Variants in BMX observed in about 807,000 individuals in gnomAD.
BMX encodes cytoplasmic tyrosine-protein kinase BMX.
Under a neutral mutation model 59.2 loss-of-function variants are expected in BMX, and 31 were observed. That is an observed-to-expected ratio of 0.52 (90% confidence interval 0.39 to 0.71). BMX has a LOEUF of 0.71. Among genes scored for constraint, BMX ranks in the 30% least tolerant of loss-of-function variants. The pLI is 0.00. For synonymous variants in BMX, 185 were observed against 181.0 expected (o/e 1.02, Z -0.18); for missense variants, 474 against 491.7 (o/e 0.96, Z 0.34).
intron 18 of BMX, among the ~76,000 whole-genome samples, chrX:15,553,856 G>A (rs1256122644): frequency 9.0e-6 from 1 of 111,510 alleles, no homozygotes; most frequent in Admixed American, 9.5e-5. Flanking sequence ...GGATGGACAG[G>A]GGCCCTGAGT....
At chrX:15,519,274 A>C (rs970540893) in intron 6 of BMX, among the ~76,000 whole-genome samples, 2 of 112,067 alleles carry the variant, frequency 1.8e-5, no homozygotes, top group Non-Finnish European at 3.8e-5. Flanking sequence ...ATTCGCACAC[A>C]CTTCTCTCTT....
chrX:15,536,972 C>T (rs1925388373), intron 13 of BMX, among the ~76,000 whole-genome samples, 162 bp from the exon 14 acceptor site: 1 of 110,263 alleles, frequency 9.1e-6, no homozygotes, highest in South Asian at 3.9e-4. Flanking sequence ...GCCACAAGAC[C>T]ACATCACTAA....
chrX:15,515,025 A>G (rs1924094473), intron 4 of BMX, among the ~76,000 whole-genome samples: 1 of 111,650 alleles, frequency 9.0e-6, no homozygotes, highest in Non-Finnish European at 1.9e-5. Context: ...GCTGGAAGCC[A>G]TCATTCTCAG....
intron 3 of BMX, among the ~76,000 whole-genome samples, chrX:15,509,643 G>C (rs768544757): frequency 9.0e-6 from 1 of 111,189 alleles, no homozygotes; most frequent in Non-Finnish European, 1.9e-5. Flanking sequence ...AGACAGGAGC[G>C]TAAGTCGCAG....
intron 14 of BMX, among the ~76,000 whole-genome samples, chrX:15,541,388 G>A (rs1439508029): frequency 9.1e-6 from 1 of 110,120 alleles, no homozygotes; most frequent in Non-Finnish European, 1.9e-5. Flanking sequence ...AAAAAAATCT[G>A]AGTGTCCATG....
At chrX:15,520,620 T>TATAGGCAAA (rs1924398784) in intron 6 of BMX, among the ~76,000 whole-genome samples, 1 of 111,858 alleles carries the variant, frequency 8.9e-6, no homozygotes, top group South Asian at 3.7e-4. Flanking sequence ...ATATTGAAAA[T>TATAGGCAAA]TATCAGCTAG....
chrX:15,548,739 G>A (rs1926063010), intron 17 of BMX, among the ~76,000 whole-genome samples: 1 of 112,078 alleles, frequency 8.9e-6, no homozygotes, highest in Non-Finnish European at 1.9e-5. Flanking sequence ...TGAAATAAGT[G>A]TGTAGCCTTC....
intron 16 of BMX, among the ~76,000 whole-genome samples, chrX:15,546,348 C>G (rs1410983605): frequency 2.7e-5 from 3 of 111,552 alleles, no homozygotes; most frequent in Admixed American, 9.6e-5. Context: ...AGCCACTAAA[C>G]ATGATGCTGC....
At position 15,516,218 on chromosome X, in the gene BMX, C is replaced by A; in HGVS notation, c.432C>A (p.Thr144=). The stretch of plus-strand genomic sequence containing the variant: ...GCTGTAAAGCAGCCCCAGGATGTAC[C>A]CTCTGGGAAGCATGTAATGTGTGAT... ...QQSCKAAPGC[T]LWEAYANLHT... is the part of the protein sequence containing the mutation. The change falls in exon 5 of 19, where the codon ACC becomes ACA. Residue 144 remains threonine, a synonymous_variant. Transcript: ENST00000348343. 1.7e-6 allele frequency: 2 copies of A among 1,209,688 alleles called. No individual in the cohort carries two copies. The highest frequency in any genetic ancestry group is 3.0e-5 in the East Asian group (1 of 33,832).
chrX:15,509,142 G>A (rs1233490126), intron 2 of BMX, among the ~76,000 whole-genome samples, 187 bp from the exon 3 acceptor site: 1 of 110,903 alleles, frequency 9.0e-6, no homozygotes, highest in Non-Finnish European at 1.9e-5. Flanking sequence ...ATATGTGTTT[G>A]TGTCCAGACT....
intron 4 of BMX, among the ~76,000 whole-genome samples, chrX:15,512,816 G>T (rs1282937684): frequency 8.9e-6 from 1 of 112,048 alleles, no homozygotes; most frequent in Admixed American, 9.4e-5. Context: ...TCTAGGAGGA[G>T]CTCTAAGATT....
At chrX:15,515,706 T>C in intron 4 of BMX, among the ~76,000 whole-genome samples, 1 of 111,534 alleles carries the variant, frequency 9.0e-6, no homozygotes, top group Non-Finnish European at 1.9e-5. Context: ...AGTGTATGTT[T>C]ATTCAGGCCT....
chrX:15,511,884 T>A (rs756540790), intron 4 of BMX, among the ~76,000 whole-genome samples: 95 of 112,310 alleles, frequency 8.5e-4, no homozygotes, highest in African/African-American at 3.0e-3. Context: ...ACACTTTTGA[T>A]GTTTATAGAA....
chrX:15,511,629 C>A, intron 4 of BMX, 111 bp downstream of exon 4: 1 of 572,207 alleles, frequency 1.7e-6, no homozygotes, highest in Non-Finnish European at 2.8e-6. Flanking sequence ...GACTCAATGC[C>A]AAGAGACAAT....
At chrX:15,551,569 T>C (rs1926202217) in intron 18 of BMX, among the ~76,000 whole-genome samples, 1 of 108,669 alleles carries the variant, frequency 9.2e-6, no homozygotes, top group African/African-American at 3.4e-5. Context: ...AAAGCATCTA[T>C]GCACCAGGCA....
intron 16 of BMX, among the ~76,000 whole-genome samples, chrX:15,544,432 G>A (rs1035970996): frequency 3.6e-5 from 4 of 111,242 alleles, no homozygotes; most frequent in African/African-American, 1.3e-4. Flanking sequence ...TCTGCTGACA[G>A]GTTCTTAAAG....
At chrX:15,531,533 A>T in intron 11 of BMX, 126 bp downstream of exon 11, 1 of 592,913 alleles carries the variant, frequency 1.7e-6, no homozygotes, top group Admixed American at 3.1e-5. Context: ...AAGTATTTCT[A>T]TTGAATGTGA....
intron 4 of BMX, among the ~76,000 whole-genome samples, chrX:15,515,535 A>G (rs1336851727): frequency 9.0e-6 from 1 of 111,439 alleles, no homozygotes; most frequent in Non-Finnish European, 1.9e-5. Flanking sequence ...TAAAATTTAA[A>G]GAATAATACA....
intron 17 of BMX, 27 bp from the exon 18 acceptor site, chrX:15,549,813 T>C (rs1396241776): frequency 1.7e-5 from 20 of 1,182,427 alleles, no homozygotes; most frequent in Non-Finnish European, 2.3e-5. Context: ...TCCTTTTTTA[T>C]CTGGGCCACC....
Sources: gnomAD v4.1 joint callset for allele counts (sites outside exome capture counted in the v4.1 genomes callset) on GRCh38, gnomAD v4.1.1 for gene constraint, MANE v1.5 for transcripts, NCBI Gene and HGNC (gene_info 2026-07-23, HGNC 2026-07-21) for gene names.